The following CCNL2 variants were observed in gnomAD, a reference collection of about 807,000 sequenced individuals.
CCNL2 encodes the protein cyclin L2.
A neutral mutation model predicts 59.1 loss-of-function variants in CCNL2; 28 were observed. The observed-to-expected ratio is 0.47, with a 90% CI of 0.35 to 0.65. The LOEUF (loss-of-function observed/expected upper bound fraction) is 0.65, where lower values mean the gene tolerates loss of function less well. Among genes scored for constraint, CCNL2 ranks in the 30% least tolerant of loss-of-function variants. The pLI is 0.00. For synonymous variants in CCNL2, 342 were observed against 288.6 expected (o/e 1.19, Z -1.88); for missense variants, 714 against 717.4 (o/e 1.00, Z 0.05).
chr1:1,391,283 A>G, intron 5 of CCNL2: 1 of 1,138,848 alleles, frequency 8.8e-7, no homozygotes, highest in Non-Finnish European at 1.1e-6. Flanking sequence ...CATAGTGCAG[A>G]GAAACATGCA....
In CCNL2 at chr1:1,390,249, G is replaced by C. The variant is rs1457077141; in HGVS notation, c.987C>G (p.Phe329Leu). The C allele has an allele frequency of 6.2e-7, 1 of 1,610,330 alleles. No individual in the cohort carries two copies. The highest frequency in any genetic ancestry group is 8.5e-7 in the Non-Finnish European group (1 of 1,177,082). ...GTQVLDGTSG[F>L]SPAPKLVESP... ...ACTCACCCAGCTTGGGGGCAGGAGA[G>C]AACCCCGAGGTACCATCCAGCACCT... The change falls in exon 8 of 11, where the codon TTC becomes TTG. Residue 329 changes from phenylalanine (F) to leucine (L), a missense_variant. By Grantham distance (22) the Phe-to-Leu change is conservative (BLOSUM62 0). Around this residue, in one of 5 missense-constraint regions of CCNL2, gnomAD observed 403 missense variants for 377.7 expected, o/e 1.07. Transcript: ENST00000400809.
chr1:1,396,892 G>A (rs1645064388), intron 3 of CCNL2, among the ~76,000 whole-genome samples: 1 of 152,076 alleles, frequency 6.6e-6, no homozygotes, highest in African/African-American at 2.4e-5. Context: ...GGGACCACAG[G>A]CACCCGCCAC....
chr1:1,398,934 G>A (rs1645210925), intron 1 of CCNL2, 85 bp downstream of exon 1: 3 of 1,462,578 alleles, frequency 2.1e-6, no homozygotes, highest in East Asian at 2.6e-5. Flanking sequence ...CTAGGCGGGG[G>A]CGGTGCGGGC....
At chr1:1,397,736 G>T (rs1557736096) in intron 3 of CCNL2, among the ~76,000 whole-genome samples, 2 of 152,144 alleles carry the variant, frequency 1.3e-5, no homozygotes, top group Non-Finnish European at 2.9e-5. Context: ...TGGTTGGCGT[G>T]CTCCTATAGT....
intron 6 of CCNL2, 24 bp from the exon 7 acceptor site, chr1:1,390,587 A>G (rs1482806207): frequency 6.3e-7 from 1 of 1,582,418 alleles, no homozygotes; most frequent in Non-Finnish European, 8.7e-7. Flanking sequence ...CACTATCATC[A>G]TTACACTTTC....
At position 1,390,224 on chromosome 1, in the gene CCNL2, A is replaced by G. The variant is rs1394796732; in HGVS notation, c.1006+6T>C. On this transcript the variant is annotated splice_donor_region_variant and intron_variant, in intron 8 of 10. Transcript: ENST00000400809. ...GGAGTGGATTCCTGCACTCTAACAG[A>G]CTCACCCAGCTTGGGGGCAGGAGAG... The G allele has an allele frequency of 1.2e-6, 2 of 1,603,416 alleles. No homozygotes were observed. The highest frequency in any genetic ancestry group is 1.7e-6 in the Non-Finnish European group (2 of 1,172,346).
In CCNL2 at chr1:1,399,043, G is replaced by C. The variant is rs757351096; in HGVS notation, c.264C>G (p.Ala88=). 8 of 1,595,974 alleles carry C rather than the reference G, an allele frequency of 5.0e-6. No individual in the cohort carries two copies. The highest frequency in any genetic ancestry group is 6.8e-6 in the Non-Finnish European group (8 of 1,173,892). The change falls in exon 1 of 11, where the codon GCC becomes GCG. Residue 88 remains alanine (A), a synonymous_variant. Coordinates refer to ENST00000400809, the MANE Select transcript of CCNL2 (RefSeq NM_030937.6). ...RVVGCELIQA[A]GILLRLPQVA... ...CCTGCGGCAGGCGGAGCAGGATACC[G>C]GCCGCCTGGATGAGCTCGCAGCCCA...
At chr1:1,391,055 C>A in intron 5 of CCNL2, 190 bp from the exon 6 acceptor site, 2 of 982,724 alleles carry the variant, frequency 2.0e-6, no homozygotes, top group East Asian at 2.8e-5. Context: ...TTTCTAAATA[C>A]AGTAAATACA....
At chr1:1,389,940 G>A (rs1451200591) in intron 8 of CCNL2, among the ~76,000 whole-genome samples, 2 of 151,966 alleles carry the variant, frequency 1.3e-5, no homozygotes, top group Admixed American at 6.6e-5. Flanking sequence ...GCCTGGGCTG[G>A]AGCAAGACTC....
intron 5 of CCNL2, chr1:1,391,471 T>C (rs1223125875): frequency 2.4e-6 from 3 of 1,269,984 alleles, no homozygotes; most frequent in East Asian, 5.9e-5. Context: ...TGGGTGCAAG[T>C]TGGACGCGTG....
rs1387414902 is a variant in CCNL2 at position 1,393,430 on chromosome 1, A to G, written c.625T>C (p.Cys209Arg). ...TGGACCAGGTGTTGGTTACGCTCAC[A>G]CTCTAACACCTGAAGGTACATAACG... ...IIVMYLQVLE[C>R]ERNQHLVQTS... Residue 209 changes from cysteine to arginine, a missense_variant, in exon 5 of 11, where the codon TGT becomes CGT. Around this residue, in one of 5 missense-constraint regions of CCNL2, gnomAD observed 19 missense variants for 20.1 expected, o/e 0.94. Coordinates refer to ENST00000400809, the MANE Select transcript of CCNL2 (RefSeq NM_030937.6). 1 of 1,614,094 alleles carries G rather than the reference A, an allele frequency of 6.2e-7. No individual in the cohort carries two copies. Among genetic ancestry groups the G allele is most frequent in the African/African-American group, 1.3e-5 (1 of 75,020 alleles).
Position 1,387,975 on chromosome 1 carries a change from T to C in CCNL2, c.1097A>G (p.Lys366Arg), listed in dbSNP as rs756901180. 1.1e-5 allele frequency: 18 copies of C among 1,614,106 alleles called. No individual in the cohort carries two copies. The South Asian group carries it at 2.0e-4, about 18-fold the overall frequency. ...CTACCCGTTCACGGGGCTGTCCGCC[T>C]TGGCTTTCTTGGCGCCCTCCAGCCT... ...KRRLEGAKKA[K>R]ADSPVNGLPK... Residue 366 changes from lysine (K) to arginine (R), a missense_variant, in exon 9 of 11, where the codon AAG becomes AGG. Coordinates refer to ENST00000400809, the MANE Select transcript of CCNL2 (RefSeq NM_030937.6).
chr1:1,396,558 G>A (rs1379387766), intron 3 of CCNL2, among the ~76,000 whole-genome samples: 12 of 142,032 alleles, frequency 8.4e-5, no homozygotes, highest in East Asian at 4.3e-4. Flanking sequence ...GAGCCACTGC[G>A]CTCGGCAAGG....
At chr1:1,390,921 C>G (rs564518593) in intron 5 of CCNL2, 56 bp from the exon 6 acceptor site, 29 of 1,402,578 alleles carry the variant, frequency 2.1e-5, no homozygotes, top group South Asian at 1.8e-4. Context: ...CCAGGTCTTC[C>G]GCCTGCATTA....
intron 9 of CCNL2, 29 bp downstream of exon 9, chr1:1,387,925 C>G (rs369616636): frequency 2.7e-5 from 43 of 1,613,366 alleles, no homozygotes; most frequent in Non-Finnish European, 3.4e-5. Flanking sequence ...CCAACCCTGA[C>G]AGCCACCTGG....
chr1:1,398,410 G>A, intron 2 of CCNL2, 68 bp from the exon 3 acceptor site: 1 of 1,609,290 alleles, frequency 6.2e-7, no homozygotes, highest in Non-Finnish European at 8.5e-7. Context: ...GCCGCCAAAG[G>A]CTTGAGGGCT....
chr1:1,390,948 A>G (rs1644732550), intron 5 of CCNL2, 83 bp from the exon 6 acceptor site: 36 of 1,185,892 alleles, frequency 3.0e-5, no homozygotes, highest in Non-Finnish European at 4.3e-5. Context: ...GAAAATCTAG[A>G]TAAACGTACT....
chr1:1,388,770 C>CAAAA, intron 8 of CCNL2: 1 of 162,696 alleles, frequency 6.1e-6, no homozygotes, highest in Admixed American at 9.7e-5. Context: ...GACTCCGTCT[C>CAAAA]AGAAAAAAAA....
In CCNL2 at chr1:1,386,911, G is replaced by A. The variant is rs1482397183; in HGVS notation, c.*320C>T. 9.7e-6 allele frequency: 3 copies of A among 309,280 alleles called. No homozygotes were observed. Among genetic ancestry groups the A allele is most frequent in the East Asian group, 5.4e-5 (1 of 18,636 alleles). The allele number at this position is 309,280 out of a possible 1,614,324, so 19.2% of individuals were successfully genotyped here. On this transcript the variant is annotated 3_prime_UTR_variant, in exon 11 of 11. Transcript: ENST00000400809. Reference sequence around the variant, plus strand: ...GCGGCTGCCGATAGCACCAGGCCATGCCAGGCCACGCCAACAAGGGCGTGT... The same window carrying A: ...GCGGCTGCCGATAGCACCAGGCCATACCAGGCCACGCCAACAAGGGCGTGT...
Sources: gnomAD v4.1 joint callset for allele counts (sites outside exome capture counted in the v4.1 genomes callset) on GRCh38, gnomAD v4.1.1 for gene constraint, gnomAD v4.1.1 regional missense constraint, MANE v1.5 for transcripts, NCBI Gene and HGNC (gene_info 2026-07-23, HGNC 2026-07-21) for gene names.